Variants in SDK1 observed in about 807,000 individuals in gnomAD.
SDK1 encodes the protein protein sidekick-1.
Under a neutral mutation model 245.5 loss-of-function variants are expected in SDK1, and 157 were observed. The observed-to-expected ratio is 0.64, with a 90% CI of 0.56 to 0.73. The LOEUF (loss-of-function observed/expected upper bound fraction) is 0.73. SDK1 is among the 30% of genes least tolerant of loss of function. SDK1 has a pLI of 0.00. For missense variants in SDK1, 3,583 were observed against 3,002.3 expected (o/e 1.19, Z -4.52); for synonymous variants, 1,647 against 1,278.5 (o/e 1.29, Z -6.15).
intron 1 of SDK1, among the ~76,000 whole-genome samples, chr7:3,316,153 T>C (rs1779657824): frequency 6.6e-6 from 1 of 152,180 alleles, no homozygotes; most frequent in Admixed American, 6.5e-5. Context: ...AAATTTAAAT[T>C]TAAATATACA....
At chr7:4,198,503 G>A (rs995052837) in intron 35 of SDK1, among the ~76,000 whole-genome samples, 1 of 152,182 alleles carries the variant, frequency 6.6e-6, no homozygotes, top group Non-Finnish European at 1.5e-5. Context: ...ACAGCTCAGC[G>A]GCCAAGCCTA....
chr7:3,611,097 G>T (rs1035433060), intron 1 of SDK1, among the ~76,000 whole-genome samples: 1 of 152,190 alleles, frequency 6.6e-6, no homozygotes, highest in African/African-American at 2.4e-5. Context: ...CAAGGCAGTA[G>T]TAGAGAGAGA....
intron 1 of SDK1, among the ~76,000 whole-genome samples, chr7:3,555,032 C>T (rs969331871): frequency 2.6e-5 from 4 of 152,148 alleles, no homozygotes; most frequent in African/African-American, 7.2e-5. Flanking sequence ...AGATTCAATG[C>T]AATCCCTATC....
At chr7:3,455,649 C>G (rs181273409) in intron 1 of SDK1, among the ~76,000 whole-genome samples, 93 of 152,070 alleles carry the variant, frequency 6.1e-4, no homozygotes, top group African/African-American at 2.2e-3. Flanking sequence ...GTGACTCTTC[C>G]TCCACCGATA....
chr7:3,418,670 T>C (rs1373858123), intron 1 of SDK1, among the ~76,000 whole-genome samples: 1 of 152,212 alleles, frequency 6.6e-6, no homozygotes, highest in African/African-American at 2.4e-5. Flanking sequence ...TGTTAAGACT[T>C]TCCAGGGTAT....
At chr7:3,589,170 C>G (rs1321046551) in intron 1 of SDK1, among the ~76,000 whole-genome samples, 2 of 152,192 alleles carry the variant, frequency 1.3e-5, no homozygotes, top group Non-Finnish European at 2.9e-5. Context: ...CAGTACTGAT[C>G]TCACAGTTGG....
intron 9 of SDK1, among the ~76,000 whole-genome samples, chr7:3,964,631 A>G (rs1207595806): frequency 3.9e-5 from 6 of 152,124 alleles, no homozygotes; most frequent in African/African-American, 9.7e-5. Flanking sequence ...TTAATCTTCC[A>G]TGGTTGTATA....
At chr7:3,811,489 G>T (rs1161222548) in intron 4 of SDK1, among the ~76,000 whole-genome samples, 3 of 152,196 alleles carry the variant, frequency 2.0e-5, no homozygotes, top group Non-Finnish European at 4.4e-5. Flanking sequence ...AACTCAGGGA[G>T]CTTGGTTGGG....
At chr7:3,536,542 A>T (rs564131102) in intron 1 of SDK1, among the ~76,000 whole-genome samples, 1 of 151,978 alleles carries the variant, frequency 6.6e-6, no homozygotes, top group Non-Finnish European at 1.5e-5. Flanking sequence ...AACCCCACAA[A>T]AATTAGCCAG....
At chr7:3,764,385 G>T (rs1216313000) in intron 4 of SDK1, among the ~76,000 whole-genome samples, 1 of 152,074 alleles carries the variant, frequency 6.6e-6, no homozygotes. Flanking sequence ...GCAATTCATA[G>T]ATTAAAATAA....
intron 30 of SDK1, among the ~76,000 whole-genome samples, chr7:4,150,052 G>A (rs1002627532): frequency 6.6e-6 from 1 of 152,126 alleles, no homozygotes; most frequent in Admixed American, 6.5e-5. Flanking sequence ...AATAGCAGCG[G>A]CGTTCTGTGG....
chr7:3,540,409 A>C (rs1779021244), intron 1 of SDK1, among the ~76,000 whole-genome samples: 1 of 152,230 alleles, frequency 6.6e-6, no homozygotes, highest in Non-Finnish European at 1.5e-5. Flanking sequence ...TTCATCTCAA[A>C]AACAAAAAAA....
intron 5 of SDK1, among the ~76,000 whole-genome samples, chr7:3,824,282 C>A (rs1548614): frequency 0.14 from 21,248 of 152,164 alleles, 1,622 homozygotes; most frequent in Middle Eastern, 0.3. Context: ...TGTGGAAACA[C>A]CACACAAGAT....
At chr7:3,649,108 C>A (rs1782932366) in intron 4 of SDK1, among the ~76,000 whole-genome samples, 1 of 152,072 alleles carries the variant, frequency 6.6e-6, no homozygotes, top group South Asian at 2.1e-4. Flanking sequence ...CCACGTGTGC[C>A]CCTCAGTGGG....
chr7:3,521,640 C>T (rs1782944571), intron 1 of SDK1, among the ~76,000 whole-genome samples: 2 of 152,092 alleles, frequency 1.3e-5, no homozygotes, highest in Non-Finnish European at 2.9e-5. Context: ...GAATTTCGCC[C>T]TTGAAGACTA....
intron 5 of SDK1, among the ~76,000 whole-genome samples, chr7:3,886,004 G>C (rs577668157): frequency 6.6e-6 from 1 of 152,232 alleles, no homozygotes; most frequent in Middle Eastern, 3.4e-3. Flanking sequence ...GTTTATCGAG[G>C]AGGTGATCCT....
chr7:4,145,218 C>T (rs1015352571), intron 28 of SDK1, among the ~76,000 whole-genome samples: 11 of 152,072 alleles, frequency 7.2e-5, no homozygotes, highest in Admixed American at 1.3e-4. Flanking sequence ...CTGGAGGGAG[C>T]TGGGGGGTCA....
At chr7:4,218,194 A>G (rs530296767) in intron 38 of SDK1, among the ~76,000 whole-genome samples, 6 of 152,326 alleles carry the variant, frequency 3.9e-5, no homozygotes, top group African/African-American at 1.4e-4. Flanking sequence ...ACTTGAGGTC[A>G]GGAGTTTAAG....
At chr7:3,684,132 G>C (rs1485133857) in intron 4 of SDK1, among the ~76,000 whole-genome samples, 3 of 152,198 alleles carry the variant, frequency 2.0e-5, no homozygotes, top group African/African-American at 7.2e-5. Context: ...AGTGACAGGT[G>C]GTACACTGAT....
Sources: allele counts gnomAD v4.1 joint callset (sites outside exome capture counted in the v4.1 genomes callset), GRCh38; gene constraint gnomAD v4.1.1; transcripts MANE v1.5; gene names NCBI Gene and HGNC (gene_info 2026-07-23, HGNC 2026-07-21).